The following ZCCHC7 variants were observed in gnomAD, a reference collection of about 807,000 sequenced individuals.
The protein encoded by ZCCHC7 is zinc finger CCHC-type containing 7, also known as zinc finger CCHC domain-containing protein 7.
In ZCCHC7, 35 loss-of-function variants were observed where a neutral mutation model predicts 52.0. The observed-to-expected ratio is 0.67, with a 90% confidence interval of 0.51 to 0.89. The LOEUF is 0.89. Ranked by LOEUF, ZCCHC7 falls within the 40% of genes least tolerant of loss-of-function variation. The probability of loss-of-function intolerance (pLI) is 0.00; values close to 1 mark genes in which losing one functional copy is unlikely to be tolerated. For missense variants in ZCCHC7, 574 were observed against 649.1 expected (o/e 0.88, Z 1.26); for synonymous variants, 217 against 221.5 (o/e 0.98, Z 0.18).
intron 2 of ZCCHC7, among the ~76,000 whole-genome samples, chr9:37,178,205 C>T (rs920097519): frequency 6.6e-6 from 1 of 152,008 alleles, no homozygotes; most frequent in Non-Finnish European, 1.5e-5. Flanking sequence ...GCTTTATGAA[C>T]CCCATGATAG....
intron 2 of ZCCHC7, among the ~76,000 whole-genome samples, chr9:37,269,618 CAAAA>C (rs1170865355): frequency 1.5e-4 from 4 of 27,234 alleles, no homozygotes; most frequent in African/African-American, 3.6e-4. Context: ...GACTCTGTCT[CAAAA>C]AAAAAAAAAA....
chr9:37,214,804 G>A (rs1824418773), intron 2 of ZCCHC7, among the ~76,000 whole-genome samples: 1 of 152,000 alleles, frequency 6.6e-6, no homozygotes, highest in African/African-American at 2.4e-5. Context: ...TTCTTCCTCA[G>A]CATTGGTAAT....
At chr9:37,299,908 G>T (rs1828952960) in intron 2 of ZCCHC7, among the ~76,000 whole-genome samples, 1 of 152,152 alleles carries the variant, frequency 6.6e-6, no homozygotes, top group South Asian at 2.1e-4. Context: ...CCTATAAGCA[G>T]CTTTTTCTCA....
In ZCCHC7 at chr9:37,327,850, T is replaced by G. The variant is rs1182774956; in HGVS notation, c.987+16T>G. 6.2e-7 allele frequency: 1 copy of G among 1,612,072 alleles called. No individual in the cohort carries two copies. Among genetic ancestry groups the G allele is most frequent in the East Asian group, 2.2e-5 (1 of 44,818 alleles). On this transcript the variant is annotated intron_variant, in intron 6 of 8. Transcript: ENST00000336755. The stretch of plus-strand genomic sequence containing the variant: ...TCACCTAACGGTGAGTAGAAACACC[T>G]TTTTTATTTTCCCCAAGACCTAGCC...
At chr9:37,318,610 G>T (rs975222640) in intron 5 of ZCCHC7, among the ~76,000 whole-genome samples, 3 of 151,846 alleles carry the variant, frequency 2.0e-5, no homozygotes, top group Admixed American at 2.0e-4. Context: ...ATGTAGATTT[G>T]CATAGAAAAA....
chr9:37,257,803 A>G (rs1484926977), intron 2 of ZCCHC7, among the ~76,000 whole-genome samples: 2 of 152,144 alleles, frequency 1.3e-5, no homozygotes, highest in East Asian at 1.9e-4. Context: ...GCCTTCTGCC[A>G]TGATTCTAAG....
intron 2 of ZCCHC7, among the ~76,000 whole-genome samples, chr9:37,251,169 G>T (rs1022898195): frequency 6.6e-6 from 1 of 151,966 alleles, no homozygotes; most frequent in African/African-American, 2.4e-5. Context: ...AATGAAACAA[G>T]TATAATTATG....
intron 6 of ZCCHC7, among the ~76,000 whole-genome samples, chr9:37,337,415 CA>C (rs1491434907): frequency 5.6e-5 from 6 of 106,794 alleles, no homozygotes; most frequent in African/African-American, 7.3e-5. Context: ...CCCCCCCCCC[CA>C]AAAAAAATGA....
At chr9:37,125,829 A>C (rs1202765366) in intron 1 of ZCCHC7, among the ~76,000 whole-genome samples, 1 of 152,244 alleles carries the variant, frequency 6.6e-6, no homozygotes, top group Non-Finnish European at 1.5e-5. Context: ...CTGTGGTCCC[A>C]TAGGATTTGT....
chr9:37,341,122 C>T (rs150379655), intron 6 of ZCCHC7, among the ~76,000 whole-genome samples: 14 of 152,232 alleles, frequency 9.2e-5, no homozygotes, highest in African/African-American at 3.1e-4. Context: ...CTCTTTGTCC[C>T]TGGTACTGTA....
At chr9:37,148,902 A>G (rs1458848079) in intron 2 of ZCCHC7, among the ~76,000 whole-genome samples, 5 of 152,150 alleles carry the variant, frequency 3.3e-5, no homozygotes, top group Non-Finnish European at 7.4e-5. Context: ...GTTCACTGTC[A>G]GTTACCACTA....
At chr9:37,229,841 A>C (rs1413649759) in intron 2 of ZCCHC7, among the ~76,000 whole-genome samples, 1 of 152,234 alleles carries the variant, frequency 6.6e-6, no homozygotes, top group African/African-American at 2.4e-5. Context: ...TATAATACTC[A>C]GCATAAAATA....
chr9:37,239,443 T>G (rs1457280938), intron 2 of ZCCHC7, among the ~76,000 whole-genome samples: 1 of 152,136 alleles, frequency 6.6e-6, no homozygotes, highest in African/African-American at 2.4e-5. Context: ...GACCTTCATG[T>G]TCTAGTCCTT....
At chr9:37,187,249 A>G (rs765031925) in intron 2 of ZCCHC7, among the ~76,000 whole-genome samples, 1 of 152,234 alleles carries the variant, frequency 6.6e-6, no homozygotes, top group Non-Finnish European at 1.5e-5. Context: ...GACCAGTTTC[A>G]TGGAAGAAAA....
intron 2 of ZCCHC7, among the ~76,000 whole-genome samples, chr9:37,162,145 CTT>C (rs1821140443): frequency 6.6e-6 from 1 of 152,038 alleles, no homozygotes; most frequent in African/African-American, 2.4e-5. Flanking sequence ...CTTTTGTAAA[CTT>C]TACAGTTGAC....
chr9:37,172,802 C>T (rs2132989718), intron 2 of ZCCHC7, among the ~76,000 whole-genome samples: 1 of 151,838 alleles, frequency 6.6e-6, no homozygotes, highest in East Asian at 1.9e-4. Context: ...GCAGTGTGGG[C>T]ATTCCAGTTG....
rs528561169 is a variant in ZCCHC7 at position 37,315,176 on chromosome 9, A to G, written c.951+9462A>G. Reference sequence around the variant, plus strand: ...TCTACATGTATATGCTTGTGTGTGTATATATATACATATATAAACAATGAT... The same window carrying G: ...TCTACATGTATATGCTTGTGTGTGTGTATATATACATATATAAACAATGAT... On this transcript the variant is annotated intron_variant, in intron 5 of 8. Transcript: ENST00000336755. 7.2e-5 allele frequency among the ~76,000 whole-genome samples: 11 copies of G among 152,144 alleles called. No individual in the cohort carries two copies. The South Asian group carries it at 1.5e-3, about 20-fold the overall frequency.
chr9:37,209,052 T>G (rs1967105), intron 2 of ZCCHC7, among the ~76,000 whole-genome samples: 31,731 of 152,076 alleles, frequency 0.21, 3,584 homozygotes, highest in Non-Finnish European at 0.25. Flanking sequence ...CGCAATTTTT[T>G]TTTTTTGAGA....
At chr9:37,204,624 T>C (rs1371975556) in intron 2 of ZCCHC7, among the ~76,000 whole-genome samples, 1 of 152,166 alleles carries the variant, frequency 6.6e-6, no homozygotes, top group Non-Finnish European at 1.5e-5. Flanking sequence ...TGTAGATGTG[T>C]GGTCTTATTT....
Sources: allele counts gnomAD v4.1 joint callset (sites outside exome capture counted in the v4.1 genomes callset), GRCh38; gene constraint gnomAD v4.1.1; transcripts MANE v1.5; gene names NCBI Gene and HGNC (gene_info 2026-07-23, HGNC 2026-07-21).